The following NEMP2 variants were observed in gnomAD, a reference collection of about 807,000 sequenced individuals.
NEMP2 encodes UPF0571 transmembrane protein.
A neutral mutation model predicts 54.2 loss-of-function variants in NEMP2; 53 were observed. The observed-to-expected ratio is 0.98, with a 90% CI of 0.78 to 1.23. The LOEUF is 1.23. Ranked by LOEUF, NEMP2 falls within the 50% of genes most tolerant of loss-of-function variation. The pLI is 0.00. For missense variants in NEMP2, 455 were observed against 511.3 expected (o/e 0.89, Z 1.06); for synonymous variants, 197 against 190.3 (o/e 1.04, Z -0.29).
At chr2:190,534,233 G>A in intron 1 of NEMP2, 4 of 1,094,348 alleles carry the variant, frequency 3.7e-6, no homozygotes, top group Non-Finnish European at 4.5e-6. Flanking sequence ...CTGTGCCAGT[G>A]ACAAGCTGTG....
Position 190,510,413 on chromosome 2 carries a change from T to A in NEMP2, c.1078A>T (p.Lys360Ter). 1 of 1,551,750 alleles carries A rather than the reference T, an allele frequency of 6.4e-7. No homozygotes were observed. The highest frequency in any genetic ancestry group is 8.7e-7 in the Non-Finnish European group (1 of 1,147,004). Residue 360 changes from lysine to a stop codon, truncating the protein, a stop_gained, in exon 8 of 9, where the codon AAA (lysine) becomes TAA (stop). Coordinates refer to ENST00000409150, the MANE Select transcript of NEMP2 (RefSeq NM_001142645.2). LOFTEE classifies it high-confidence loss of function. This position sits in a 1 kb window ranked among gnomAD's most constrained non-coding sequence, Gnocchi z 5.7. ...ALEELRRACR[K>*]PDFPSWLVVS... ...ACCAGCCATGAGGGAAAGTCGGGTT[T>A]TCGGCAGGCCCGGCGTAGCTCCTCC...
chr2:190,530,215 G>A lies in NEMP2; in HGVS notation c.97+4344C>T, dbSNP rs866024026. ...CCTGACTGTTCATGCCTATAGACAC[G>A]CTAGTAAAAGCATGTTGCAGTGTTT... On this transcript the variant is annotated intron_variant, in intron 1 of 8. Transcript: ENST00000409150. This position sits in a 1 kb window ranked among gnomAD's most constrained non-coding sequence, Gnocchi z 4.6. Among the ~76,000 whole-genome samples, 13 of 152,164 alleles carry A rather than the reference G, an allele frequency of 8.5e-5. No homozygotes were observed. The highest frequency in any genetic ancestry group is 2.9e-4 in the African/African-American group (12 of 41,422).
the NEMP2 span, among the ~76,000 whole-genome samples, chr2:190,564,469 A>C: frequency 6.6e-6 from 1 of 152,216 alleles, no homozygotes; most frequent in Non-Finnish European, 1.5e-5. This position sits in a 1 kb window ranked among gnomAD's most constrained non-coding sequence, Gnocchi z 4.2. Context: ...TTTTGAATAC[A>C]ACTACTCTTT....
the NEMP2 span, among the ~76,000 whole-genome samples, chr2:190,585,072 T>C: frequency 1.3e-5 from 2 of 152,214 alleles, no homozygotes; most frequent in Non-Finnish European, 2.9e-5. The surrounding 1 kb of genome is among the most constrained non-coding windows in gnomAD (Gnocchi z 5.3). Context: ...GTTCAGTCCA[T>C]GGCACAGGCA....
chr2:190,444,531 GTTC>G, the NEMP2 span, among the ~76,000 whole-genome samples: 1 of 152,190 alleles, frequency 6.6e-6, no homozygotes, highest in Non-Finnish European at 1.5e-5. Flanking sequence ...GTGGCTGTGT[GTTC>G]TTTTCTTTTT....
At chr2:190,502,269 G>A (rs1033755625), downstream of NEMP2, 4 of 152,094 alleles carry the variant, frequency 2.6e-5, no homozygotes, top group Non-Finnish European at 5.9e-5. This position sits in a 1 kb window ranked among gnomAD's most constrained non-coding sequence, Gnocchi z 4.4. Context: ...TGTCCCCAAA[G>A]TGCCATATGC....
At chr2:190,537,698 A>G (rs1212511343), upstream of NEMP2, among the ~76,000 whole-genome samples, 1 of 152,218 alleles carries the variant, frequency 6.6e-6, no homozygotes, top group Non-Finnish European at 1.5e-5. Context: ...GAAAGTTTGG[A>G]AAATTTGCAG....
At chr2:190,441,358 G>T in the NEMP2 span, among the ~76,000 whole-genome samples, 1 of 151,834 alleles carries the variant, frequency 6.6e-6, no homozygotes, top group African/African-American at 2.4e-5. Flanking sequence ...CTTTCTAGGG[G>T]TGTACCGAGG....
rs1243739281 is a variant in NEMP2 at position 190,521,449 on chromosome 2, C to T, written c.214-2266G>A. Among the ~76,000 whole-genome samples the T allele has an allele frequency of 6.6e-6, 1 of 152,214 alleles. No homozygotes were observed. Among genetic ancestry groups the T allele is most frequent in the African/African-American group, 2.4e-5 (1 of 41,456 alleles). ...CTATCCACGTTTGCCTACTCAAGGACATCCCAGCAGCAGTTCTTCCCTCTC... is the reference window on the plus strand; with the variant it reads ...CTATCCACGTTTGCCTACTCAAGGATATCCCAGCAGCAGTTCTTCCCTCTC... On this transcript the variant is annotated intron_variant, in intron 2 of 8. Transcript: ENST00000409150. The surrounding 1 kb of genome is among the most constrained non-coding windows in gnomAD (Gnocchi z 6.2).
chr2:190,577,098 A>G, the NEMP2 span, among the ~76,000 whole-genome samples: 3 of 152,238 alleles, frequency 2.0e-5, no homozygotes, highest in Non-Finnish European at 4.4e-5. The surrounding 1 kb of genome is among the most constrained non-coding windows in gnomAD (Gnocchi z 4.8). Flanking sequence ...GTGTTCGGGA[A>G]TCAGTAAGTC....
the NEMP2 span, chr2:190,437,481 C>G: frequency 6.2e-7 from 1 of 1,614,222 alleles, no homozygotes; most frequent in South Asian, 1.1e-5. This position sits in a 1 kb window ranked among gnomAD's most constrained non-coding sequence, Gnocchi z 5.9. Context: ...TCTTTGGGGT[C>G]TGTTCAGTCC....
chr2:190,446,589 G>C, the NEMP2 span, among the ~76,000 whole-genome samples: 1 of 152,160 alleles, frequency 6.6e-6, no homozygotes, highest in Non-Finnish European at 1.5e-5. Context: ...AAATTTGGGG[G>C]ATCAGAGAGA....
At chr2:190,464,891 T>G in the NEMP2 span, 2 of 982,770 alleles carry the variant, frequency 2.0e-6, no homozygotes, top group Middle Eastern at 5.2e-4. Context: ...TTCACTGTGG[T>G]TTTTAGTGGC....
chr2:190,478,463 T>C, the NEMP2 span, among the ~76,000 whole-genome samples: 1 of 152,224 alleles, frequency 6.6e-6, no homozygotes, highest in Non-Finnish European at 1.5e-5. Flanking sequence ...AATAAAATCC[T>C]GCATCACAGA....
chr2:190,538,389 G>T (rs1453783907), upstream of NEMP2, among the ~76,000 whole-genome samples: 1 of 152,120 alleles, frequency 6.6e-6, no homozygotes, highest in African/African-American at 2.4e-5. The surrounding 1 kb of genome is among the most constrained non-coding windows in gnomAD (Gnocchi z 4.1). Context: ...GGACACTTGG[G>T]TTGATTCCAT....
the NEMP2 span, among the ~76,000 whole-genome samples, chr2:190,444,162 G>A: frequency 1.3e-5 from 2 of 152,188 alleles, no homozygotes; most frequent in Non-Finnish European, 2.9e-5. Context: ...AAAAACTGTT[G>A]ATTTGATGTC....
At chr2:190,500,076 C>T (rs963005706), downstream of NEMP2, 1 of 1,614,218 alleles carries the variant, frequency 6.2e-7, no homozygotes, top group Non-Finnish European at 8.5e-7. The surrounding 1 kb of genome is among the most constrained non-coding windows in gnomAD (Gnocchi z 5.3). Context: ...CCATGTGAGA[C>T]TCACTCTGAC....
the NEMP2 span, among the ~76,000 whole-genome samples, chr2:190,478,455 T>C: frequency 6.6e-6 from 1 of 152,230 alleles, no homozygotes; most frequent in African/African-American, 2.4e-5. Flanking sequence ...TCATGTGGAA[T>C]AAAATCCTGC....
chr2:190,557,712 A>G, the NEMP2 span, among the ~76,000 whole-genome samples: 13 of 152,270 alleles, frequency 8.5e-5, no homozygotes, highest in African/African-American at 2.9e-4. Context: ...GCCAACAAAC[A>G]TATGAAAAAA....
Sources: gnomAD v4.1 joint callset for allele counts (sites outside exome capture counted in the v4.1 genomes callset) on GRCh38, gnomAD v4.1.1 for gene constraint, Gnocchi (gnomAD v3.1) non-coding constraint, MANE v1.5 for transcripts, NCBI Gene and HGNC (gene_info 2026-07-23, HGNC 2026-07-21) for gene names.